Variants in TCF4 observed in about 807,000 individuals in gnomAD.
The protein encoded by TCF4 is transcription factor 4, also known as SL3-3 enhancer factor 2.
In TCF4, 3 loss-of-function variants were observed where a neutral mutation model predicts 82.1. That is an observed-to-expected ratio of 0.04 (90% CI 0.02 to 0.09). The LOEUF (loss-of-function observed/expected upper bound fraction) is 0.09. Ranked by LOEUF, TCF4 falls within the 10% of genes least tolerant of loss-of-function variation. The probability of loss-of-function intolerance (pLI) is 1.00; values close to 1 mark genes in which losing one functional copy is unlikely to be tolerated. For missense variants in TCF4, 518 were observed against 852.7 expected (o/e 0.61, Z 4.89); for synonymous variants, 276 against 309.6 (o/e 0.89, Z 1.14).
At chr18:55,329,405 ATCT>A (rs2077132741) in intron 8 of TCF4, among the ~76,000 whole-genome samples, 1 of 152,208 alleles carries the variant, frequency 6.6e-6, no homozygotes, top group Non-Finnish European at 1.5e-5. Context: ...GTTTTGCATC[ATCT>A]TCTATTAAAA....
chr18:55,479,894 G>A (rs1259584496), intron 3 of TCF4, among the ~76,000 whole-genome samples: 2 of 152,074 alleles, frequency 1.3e-5, no homozygotes, highest in East Asian at 1.9e-4. Flanking sequence ...GCAAACATAC[G>A]CAGTTAGAGC....
intron 2 of TCF4, among the ~76,000 whole-genome samples, chr18:55,621,868 A>G (rs1484416291): frequency 1.9e-5 from 2 of 107,020 alleles, no homozygotes; most frequent in African/African-American, 3.9e-5. Context: ...TATTATATAT[A>G]CACTATATAT....
At position 55,466,707 on chromosome 18, in the gene TCF4, T is replaced by C. The variant is rs191903584; in HGVS notation, c.146-2570A>G. 1.5e-3 allele frequency among the ~76,000 whole-genome samples: 227 copies of C among 152,296 alleles called. 6 individuals are homozygous for C. The highest frequency in any genetic ancestry group is 0.015 in the Admixed American group (224 of 15,300). Reference sequence around the variant, plus strand: ...GCTGGAATGTACCAAGAGACCTTCATATACATCTTCTGTCCACAGAAAAAA... The same window carrying C: ...GCTGGAATGTACCAAGAGACCTTCACATACATCTTCTGTCCACAGAAAAAA... On this transcript the variant is annotated intron_variant, in intron 3 of 19. Transcript: ENST00000354452.
At chr18:55,464,326 A>G (rs1184699766) in intron 3 of TCF4, among the ~76,000 whole-genome samples, 189 bp from the exon 4 acceptor site, 1 of 152,228 alleles carries the variant, frequency 6.6e-6, no homozygotes, top group African/African-American at 2.4e-5. Context: ...CACAGTAGAA[A>G]TGAACTGGAC....
intron 5 of TCF4, among the ~76,000 whole-genome samples, chr18:55,421,474 T>A (rs2094753939): frequency 1.3e-5 from 2 of 152,364 alleles, no homozygotes; most frequent in Admixed American, 1.3e-4. Flanking sequence ...CGTATTATAA[T>A]CTTTATTTAT....
chr18:55,324,186 G>A (rs959501386), intron 8 of TCF4, among the ~76,000 whole-genome samples: 13 of 152,182 alleles, frequency 8.5e-5, no homozygotes, highest in African/African-American at 2.7e-4. Context: ...GGGCTTCATT[G>A]CCTAATGGAA....
rs79245430 is a variant in TCF4, at chr18:55,499,700, C to T, written c.146-35563G>A. Among the ~76,000 whole-genome samples, 463 of 152,288 alleles carry T rather than the reference C, an allele frequency of 3.0e-3. 3 individuals are homozygous for T. The highest frequency in any genetic ancestry group is 0.011 in the African/African-American group (449 of 41,542). ...AACCACTGATATCCAGGCCAGATGG[C>T]CATATATCCTGTACCTGGGGAAAGA... On this transcript the variant is annotated intron_variant, in intron 3 of 19. Transcript: ENST00000354452.
At chr18:55,264,661 T>G (rs2058733813) in intron 11 of TCF4, 1 of 152,056 alleles carries the variant, frequency 6.6e-6, no homozygotes, top group Non-Finnish European at 1.5e-5. Flanking sequence ...AATGTGGGTT[T>G]GATGTAACAG....
chr18:55,350,349 C>T lies in TCF4; in HGVS notation c.549+10G>A, dbSNP rs1351494002. 3.7e-6 allele frequency: 6 copies of T among 1,612,926 alleles called. No individual in the cohort carries two copies. Among genetic ancestry groups the T allele is most frequent in the Non-Finnish European group, 5.1e-6 (6 of 1,179,192 alleles). On this transcript the variant is annotated intron_variant, in intron 8 of 19. Coordinates refer to ENST00000354452, the MANE Select transcript of TCF4 (RefSeq NM_001083962.2). ...AAGCAATATACAAAGCAGAAACAAG[C>T]AGTACTTACTGAAGATGGCAAACCT...
intron 6 of TCF4, among the ~76,000 whole-genome samples, chr18:55,355,339 T>C (rs993718818): frequency 1.3e-5 from 2 of 152,224 alleles, no homozygotes; most frequent in African/African-American, 2.4e-5. Flanking sequence ...TAGCTAATTC[T>C]GCACAGAATC....
chr18:55,395,188 C>T (rs749307203), intron 6 of TCF4, among the ~76,000 whole-genome samples: 13 of 152,134 alleles, frequency 8.5e-5, no homozygotes, highest in Admixed American at 2.6e-4. Flanking sequence ...CAGAAGGAGG[C>T]TATAGAGCTA....
At chr18:55,263,674 T>C (rs562721357) in intron 11 of TCF4, among the ~76,000 whole-genome samples, 2 of 150,988 alleles carry the variant, frequency 1.3e-5, no homozygotes, top group African/African-American at 2.4e-5. Context: ...ATGTGAAATA[T>C]AGATGATACT....
rs566366136 is a variant in TCF4 at position 55,238,822 on chromosome 18, CTCTTTG to C, written c.1351-4145_1351-4140del. Among the ~76,000 whole-genome samples, 414 of 152,264 alleles carry C rather than the reference CTCTTTG, an allele frequency of 2.7e-3. 1 individual carries two copies. The highest frequency in any genetic ancestry group is 9.1e-3 in the African/African-American group (379 of 41,554). Reference sequence around the variant, plus strand: ...TGGTTCTGTACCTCCTGCTAATTTCCTCTTTGTCTTTGTATTTCTAAGCTCAGAATG... The same window carrying C: ...TGGTTCTGTACCTCCTGCTAATTTCCTCTTTGTATTTCTAAGCTCAGAATG... On this transcript the variant is annotated intron_variant, in intron 15 of 19. Coordinates refer to ENST00000354452, the MANE Select transcript of TCF4 (RefSeq NM_001083962.2).
intron 5 of TCF4, among the ~76,000 whole-genome samples, chr18:55,411,523 C>G (rs1289005872): frequency 6.6e-6 from 1 of 152,002 alleles, no homozygotes; most frequent in African/African-American, 2.4e-5. Flanking sequence ...CAAAAGCACG[C>G]AGAAATAAAA....
At position 55,261,288 on chromosome 18, in the gene TCF4, A is replaced by C. The variant is rs2058036247; in HGVS notation, c.990+178T>G. ...TTTGAGGATGAGAGAAAGAGACTAT[A>C]TACTGGAAGCTTCAGAGCCTTCTCA... On this transcript the variant is annotated intron_variant, in intron 12 of 19. Coordinates refer to ENST00000354452, the MANE Select transcript of TCF4 (RefSeq NM_001083962.2). 3.2e-5 allele frequency: 24 copies of C among 740,740 alleles called. No individual in the cohort carries two copies. The East Asian group carries it at 6.0e-4, about 19-fold the overall frequency. The allele number at this position is 740,740 out of a possible 1,614,324, so 45.9% of individuals were successfully genotyped here. A position where few individuals can be genotyped will look rare whatever the true frequency, so the allele number is the denominator to read the frequency against.
intron 5 of TCF4, among the ~76,000 whole-genome samples, chr18:55,406,566 G>A (rs949849951): frequency 2.6e-5 from 4 of 152,162 alleles, no homozygotes; most frequent in Non-Finnish European, 5.9e-5. Flanking sequence ...AAATTTTCAA[G>A]AGCGCTGATA....
intron 6 of TCF4, among the ~76,000 whole-genome samples, chr18:55,370,956 G>T (rs1356657741): frequency 6.6e-6 from 1 of 152,150 alleles, no homozygotes; most frequent in Non-Finnish European, 1.5e-5. Context: ...ATACTTGTGT[G>T]GGGGGAAATG....
intron 5 of TCF4, among the ~76,000 whole-genome samples, chr18:55,406,895 A>C (rs1288130041): frequency 6.6e-6 from 1 of 152,236 alleles, no homozygotes; most frequent in African/African-American, 2.4e-5. Context: ...GCCGCTGCGG[A>C]TATTTTTTGG....
chr18:55,635,943 G>GA (rs1355050671), exon 1 of TCF4: 4 of 1,582,006 alleles, frequency 2.5e-6, no homozygotes, highest in Non-Finnish European at 3.4e-6. Flanking sequence ...CAAGAAAGGT[G>GA]ATACTGTAGA....
Sources: gnomAD v4.1 joint callset for allele counts (sites outside exome capture counted in the v4.1 genomes callset) on GRCh38, gnomAD v4.1.1 for gene constraint, MANE v1.5 for transcripts, NCBI Gene and HGNC (gene_info 2026-07-23, HGNC 2026-07-21) for gene names.